Variants in SV2C observed in about 807,000 individuals in gnomAD.
SV2C encodes synaptic vesicle glycoprotein 2C.
A neutral mutation model predicts 79.7 loss-of-function variants in SV2C; 49 were observed. The observed-to-expected ratio is 0.61, with a 90% CI of 0.49 to 0.78. The LOEUF (loss-of-function observed/expected upper bound fraction) is 0.78, where lower values mean the gene tolerates loss of function less well. SV2C is among the 30% of genes least tolerant of loss of function. The probability of loss-of-function intolerance (pLI) is 0.00; values close to 1 mark genes in which losing one functional copy is unlikely to be tolerated. For synonymous variants in SV2C, 334 were observed against 333.2 expected, an observed-to-expected ratio of 1.00 and a Z score of -0.03; for missense variants, 833 against 912.9, an observed-to-expected ratio of 0.91 and a Z score of 1.13.
the SV2C span, among the ~76,000 whole-genome samples, chr5:75,984,578 T>TCTATCTAC: frequency 2.1e-4 from 18 of 84,514 alleles, no homozygotes; most frequent in African/African-American, 4.6e-4. Flanking sequence ...TATCTATCTA[T>TCTATCTAC]CTATCTATCT....
the SV2C span, among the ~76,000 whole-genome samples, chr5:75,873,369 T>A: frequency 6.6e-6 from 1 of 150,612 alleles, no homozygotes; most frequent in Non-Finnish European, 1.5e-5. Context: ...ACACATCTAA[T>A]AAATATGTCA....
chr5:76,032,918 G>C, the SV2C span, among the ~76,000 whole-genome samples: 15 of 152,154 alleles, frequency 9.9e-5, no homozygotes, highest in African/African-American at 3.6e-4. Flanking sequence ...GTTGTTTCCT[G>C]ACTTTTTAAT....
chr5:75,971,240 A>T, the SV2C span, among the ~76,000 whole-genome samples: 1 of 152,204 alleles, frequency 6.6e-6, no homozygotes, highest in Admixed American at 6.5e-5. Context: ...CAAAAACTGG[A>T]AGCATTCCCT....
At chr5:76,176,378 C>G (rs1178247098) in intron 2 of SV2C, among the ~76,000 whole-genome samples, 1 of 152,118 alleles carries the variant, frequency 6.6e-6, no homozygotes, top group Non-Finnish European at 1.5e-5. Context: ...GTGACATGCT[C>G]CAGGACACAC....
chr5:76,032,924 T>C, the SV2C span, among the ~76,000 whole-genome samples: 1 of 152,252 alleles, frequency 6.6e-6, no homozygotes, highest in Non-Finnish European at 1.5e-5. Flanking sequence ...TCCTGACTTT[T>C]TAATGATTGC....
intron 12 of SV2C, among the ~76,000 whole-genome samples, chr5:76,310,670 T>G (rs1439169750): frequency 6.6e-6 from 1 of 152,158 alleles, no homozygotes; most frequent in Non-Finnish European, 1.5e-5. Flanking sequence ...AGTGGTTAGA[T>G]TCTGAAAATA....
chr5:76,239,371 C>T (rs563858819), intron 4 of SV2C, among the ~76,000 whole-genome samples: 32 of 152,284 alleles, frequency 2.1e-4, no homozygotes, highest in Middle Eastern at 6.8e-3. Flanking sequence ...TGTACTTGTG[C>T]TCTATTGCTG....
chr5:76,111,660 GC>G (rs540589484), intron 1 of SV2C, among the ~76,000 whole-genome samples: 1 of 151,982 alleles, frequency 6.6e-6, no homozygotes, highest in African/African-American at 2.4e-5. Context: ...AAGCTAATTT[GC>G]CCCCCCAGGA....
chr5:76,102,668 G>A (rs1473827935), intron 1 of SV2C, among the ~76,000 whole-genome samples: 1 of 152,134 alleles, frequency 6.6e-6, no homozygotes, highest in Non-Finnish European at 1.5e-5. Flanking sequence ...TACCTGTCAG[G>A]CTTAAAAACC....
intron 4 of SV2C, among the ~76,000 whole-genome samples, chr5:76,240,404 G>A (rs1221818393): frequency 1.3e-5 from 2 of 152,198 alleles, no homozygotes; most frequent in Non-Finnish European, 2.9e-5. Flanking sequence ...TAGGGTCTCC[G>A]ATTTTCTGCC....
At chr5:76,201,281 T>C (rs1744434571) in intron 3 of SV2C, among the ~76,000 whole-genome samples, 1 of 152,162 alleles carries the variant, frequency 6.6e-6, no homozygotes, top group African/African-American at 2.4e-5. Flanking sequence ...GTTGGCACCA[T>C]TGATTCATTT....
chr5:76,335,066 A>G (rs534586251), downstream of SV2C, among the ~76,000 whole-genome samples: 1 of 152,358 alleles, frequency 6.6e-6, no homozygotes, highest in African/African-American at 2.4e-5. Context: ...AGTTACACTT[A>G]GCCACATTTC....
the SV2C span, among the ~76,000 whole-genome samples, chr5:76,030,002 C>T: frequency 3.9e-5 from 6 of 152,080 alleles, no homozygotes; most frequent in South Asian, 2.1e-4. Flanking sequence ...AGGCAGATTT[C>T]GATCCAGGTG....
At chr5:76,143,752 G>A (rs1749334556) in intron 2 of SV2C, among the ~76,000 whole-genome samples, 1 of 152,116 alleles carries the variant, frequency 6.6e-6, no homozygotes, top group African/African-American at 2.4e-5. Context: ...CTAGGATTGT[G>A]GTTTTAACAT....
chr5:76,210,647 G>T (rs1190705536), intron 4 of SV2C, among the ~76,000 whole-genome samples: 1 of 152,132 alleles, frequency 6.6e-6, no homozygotes, highest in East Asian at 1.9e-4. Flanking sequence ...TGATTGATTA[G>T]GTATGATTGA....
chr5:75,967,973 C>A, the SV2C span, among the ~76,000 whole-genome samples: 1 of 152,190 alleles, frequency 6.6e-6, no homozygotes, highest in African/African-American at 2.4e-5. Context: ...TGAGACAAAA[C>A]TTCCAGAGGA....
At chr5:76,151,872 T>C (rs1006791545) in intron 2 of SV2C, among the ~76,000 whole-genome samples, 4 of 152,062 alleles carry the variant, frequency 2.6e-5, no homozygotes, top group Non-Finnish European at 5.9e-5. Flanking sequence ...GAGGAAGCTG[T>C]CCAGGAAGGC....
At chr5:76,216,111 T>C (rs1027232639) in intron 4 of SV2C, among the ~76,000 whole-genome samples, 2 of 152,190 alleles carry the variant, frequency 1.3e-5, no homozygotes, top group Non-Finnish European at 2.9e-5. Flanking sequence ...ACATGGGCTG[T>C]GGCCAGGAGT....
the SV2C span, among the ~76,000 whole-genome samples, chr5:75,936,295 G>T: frequency 2.0e-5 from 3 of 152,064 alleles, no homozygotes; most frequent in African/African-American, 7.2e-5. Context: ...CTTTTTGTTT[G>T]CTTGTTTTTA....
Sources: gnomAD v4.1 joint callset for allele counts (sites outside exome capture counted in the v4.1 genomes callset) on GRCh38, gnomAD v4.1.1 for gene constraint, MANE v1.5 for transcripts, NCBI Gene and HGNC (gene_info 2026-07-23, HGNC 2026-07-21) for gene names.